The following PIK3C3 variants were observed in gnomAD, a reference collection of about 807,000 sequenced individuals.
The protein encoded by PIK3C3 is PI3-kinase type 3.
In PIK3C3, 95 loss-of-function variants were observed where a neutral mutation model predicts 126.1. That is an observed-to-expected ratio of 0.75 (90% CI 0.64 to 0.89). The LOEUF is 0.89. Ranked by LOEUF, PIK3C3 falls within the 40% of genes least tolerant of loss-of-function variation. The pLI, the probability that PIK3C3 is intolerant of heterozygous loss-of-function variation, is 0.00. For missense variants in PIK3C3, 829 were observed against 1,063.2 expected (o/e 0.78, Z 3.06); for synonymous variants, 374 against 360.0 (o/e 1.04, Z -0.44).
intron 11 of PIK3C3, among the ~76,000 whole-genome samples, chr18:42,014,991 A>G (rs897137932): frequency 1.4e-4 from 21 of 152,136 alleles, no homozygotes; most frequent in African/African-American, 4.8e-4. Context: ...TTTGTAAGTA[A>G]AAGTCTATTC....
chr18:42,049,742 G>A (rs1411366293), intron 21 of PIK3C3, 137 bp downstream of exon 21: 1 of 612,074 alleles, frequency 1.6e-6, no homozygotes, highest in African/African-American at 1.8e-5. Context: ...GGGAGGCCAA[G>A]GCGGGTGGAT....
At chr18:42,006,730 A>T (rs1272781234) in intron 10 of PIK3C3, among the ~76,000 whole-genome samples, 1 of 151,866 alleles carries the variant, frequency 6.6e-6, no homozygotes, top group South Asian at 2.1e-4. Flanking sequence ...TTTACTGTGA[A>T]TTTTTTTGTT....
intron 4 of PIK3C3, among the ~76,000 whole-genome samples, chr18:41,976,492 T>C (rs1279660868): frequency 6.6e-6 from 1 of 152,198 alleles, no homozygotes. Flanking sequence ...ACAAAACCTC[T>C]TAGCATAGAT....
intron 21 of PIK3C3, 108 bp from the exon 22 acceptor site, chr18:42,057,775 C>T (rs1985136803): frequency 1.3e-5 from 13 of 978,060 alleles, no homozygotes; most frequent in Non-Finnish European, 1.9e-5. Context: ...TCATCGTGAA[C>T]TAATATTCTT....
chr18:41,979,888 T>G (rs990308008), intron 4 of PIK3C3, among the ~76,000 whole-genome samples: 2 of 147,572 alleles, frequency 1.4e-5, no homozygotes, highest in African/African-American at 5.0e-5. Context: ...ATTATTATTA[T>G]TATTATTATT....
Position 42,013,516 on chromosome 18 carries a change from G to A in PIK3C3, c.1245G>A (p.Leu415=), listed in dbSNP as rs541207170. The change falls in exon 11 of 25, where the codon TTG becomes TTA. Residue 415 remains leucine, a synonymous_variant. Coordinates refer to ENST00000262039, the MANE Select transcript of PIK3C3 (RefSeq NM_002647.4). ...ATTTTGATGATATAAAGAATGGATTGGAACCTACCAAGAAGGATAGTCAGA... is the reference window on the plus strand; with the variant it reads ...ATTTTGATGATATAAAGAATGGATTAGAACCTACCAAGAAGGATAGTCAGA... ...YENFDDIKNG[L]EPTKKDSQSS... 2.5e-6 allele frequency: 4 copies of A among 1,595,974 alleles called. No homozygotes were observed. The highest frequency in any genetic ancestry group is 1.7e-4 in the Middle Eastern group (1 of 6,010).
At chr18:42,008,869 AGAT>A (rs1240793886) in intron 10 of PIK3C3, among the ~76,000 whole-genome samples, 1 of 152,194 alleles carries the variant, frequency 6.6e-6, no homozygotes, top group Non-Finnish European at 1.5e-5. Flanking sequence ...CCAAGAAATC[AGAT>A]GATGATAAGT....
chr18:41,960,948 G>A (rs1258236670), intron 2 of PIK3C3, among the ~76,000 whole-genome samples: 1 of 151,978 alleles, frequency 6.6e-6, no homozygotes, highest in East Asian at 1.9e-4. Context: ...CACCATGTTG[G>A]CGAAGCTCAT....
intron 6 of PIK3C3, among the ~76,000 whole-genome samples, chr18:41,992,876 A>G (rs1402336639): frequency 6.6e-6 from 1 of 152,134 alleles, no homozygotes; most frequent in Non-Finnish European, 1.5e-5. Context: ...TTTGCAAATG[A>G]TGCAACACAT....
chr18:42,053,448 T>C (rs7240218), intron 21 of PIK3C3, among the ~76,000 whole-genome samples: 25,991 of 152,146 alleles, frequency 0.17, 2,473 homozygotes, highest in East Asian at 0.29. Context: ...ATGTGATTAA[T>C]TATAACGCTG....
intron 7 of PIK3C3, among the ~76,000 whole-genome samples, chr18:41,993,878 G>C (rs1479910101): frequency 6.6e-6 from 1 of 152,078 alleles, no homozygotes; most frequent in Non-Finnish European, 1.5e-5. Flanking sequence ...AGCTTTCAGG[G>C]ATATGAGGAT....
chr18:42,052,313 A>G (rs1029497912), intron 21 of PIK3C3, among the ~76,000 whole-genome samples: 3 of 152,182 alleles, frequency 2.0e-5, no homozygotes, highest in Admixed American at 1.3e-4. Flanking sequence ...GCTTTTGTTA[A>G]CAGTTTTCCA....
At position 42,030,725 on chromosome 18, in the gene PIK3C3, G is replaced by A. The variant is rs190581395; in HGVS notation, c.1707+1284G>A. Among the ~76,000 whole-genome samples, 4 of 152,278 alleles carry A rather than the reference G, an allele frequency of 2.6e-5. No homozygotes were observed. The East Asian group carries it at 7.7e-4, about 29-fold the overall frequency. On this transcript the variant is annotated intron_variant, in intron 15 of 24. Transcript: ENST00000262039. ...TATTTCTACTACTGTTCCCCCTGTAGCACCTCTCCCCAGAGGTGGCTGTGT... is the reference window on the plus strand; with the variant it reads ...TATTTCTACTACTGTTCCCCCTGTAACACCTCTCCCCAGAGGTGGCTGTGT...
At position 42,057,975 on chromosome 18, in the gene PIK3C3, G is replaced by T. The variant is rs1198470816; in HGVS notation, c.2356G>T (p.Gly786Ter). 1 of 1,613,520 alleles carries T rather than the reference G, an allele frequency of 6.2e-7. No individual in the cohort carries two copies. The highest frequency in any genetic ancestry group is 1.1e-5 in the South Asian group (1 of 90,944). Residue 786 changes from glycine to a stop codon, truncating the protein, a stop_gained, in exon 22 of 25, where the codon GGA (glycine) becomes TGA (stop). Transcript: ENST00000262039. LOFTEE classifies it high-confidence loss of function. ...GAAGCTGAATAAAGAAATGGTAGAA[G>T]GAATGGGGGGCACACAGAGTGAGCA... ...PMKLNKEMVE[G>*]MGGTQSEQYQ...
intron 13 of PIK3C3, among the ~76,000 whole-genome samples, chr18:42,022,743 C>T (rs1357299739): frequency 6.6e-6 from 1 of 151,930 alleles, no homozygotes; most frequent in African/African-American, 2.4e-5. Context: ...ACTACATTTT[C>T]CTCACGTTAA....
At chr18:42,061,107 A>G (rs1377784424) in intron 22 of PIK3C3, among the ~76,000 whole-genome samples, 1 of 152,196 alleles carries the variant, frequency 6.6e-6, no homozygotes, top group Non-Finnish European at 1.5e-5. Flanking sequence ...GTGTAGCACA[A>G]TAGTTGGCAT....
At chr18:42,019,224 T>C (rs1218585374) in intron 12 of PIK3C3, among the ~76,000 whole-genome samples, 1 of 152,154 alleles carries the variant, frequency 6.6e-6, no homozygotes, top group Non-Finnish European at 1.5e-5. Flanking sequence ...ATAGAAATAC[T>C]CAAGTATGTG....
At chr18:42,029,493 A>G (rs757300918) in intron 15 of PIK3C3, 52 bp downstream of exon 15, 1 of 1,008,102 alleles carries the variant, frequency 9.9e-7, no homozygotes, top group East Asian at 2.4e-5. Flanking sequence ...GCATCAGAAA[A>G]TACTGAATTT....
chr18:42,020,586 C>G, intron 12 of PIK3C3, 52 bp from the exon 13 acceptor site: 1 of 1,119,748 alleles, frequency 8.9e-7, no homozygotes, highest in Non-Finnish European at 1.3e-6. Flanking sequence ...ACTTATTTTC[C>G]CCCATTACTA....
Sources: gnomAD v4.1 joint callset for allele counts (sites outside exome capture counted in the v4.1 genomes callset) on GRCh38, gnomAD v4.1.1 for gene constraint, MANE v1.5 for transcripts, NCBI Gene and HGNC (gene_info 2026-07-23, HGNC 2026-07-21) for gene names.